The following SI variants were observed in gnomAD, a reference collection of about 807,000 sequenced individuals.
The protein encoded by SI is sucrase-isomaltase, also known as sucrase-isomaltase, intestinal.
In SI, 235 loss-of-function variants were observed where a neutral mutation model predicts 253.3. The ratio of observed to expected loss-of-function variants is 0.93; its 90% CI spans 0.83 to 1.03. SI has a LOEUF of 1.03. Ranked by LOEUF, SI falls within the 50% of genes least tolerant of loss-of-function variation. The probability of loss-of-function intolerance (pLI) is 0.00; values close to 1 mark genes in which losing one functional copy is unlikely to be tolerated. For synonymous variants in SI, 819 were observed against 712.0 expected, an observed-to-expected ratio of 1.15 and a Z score of -2.39; for missense variants, 2,442 against 2,211.1, an observed-to-expected ratio of 1.10 and a Z score of -2.09.
At chr3:165,018,713 T>C (rs1259419761) in intron 28 of SI, among the ~76,000 whole-genome samples, 1 of 151,402 alleles carries the variant, frequency 6.6e-6, no homozygotes, top group Non-Finnish European at 1.5e-5. Context: ...AAATTACTAG[T>C]GGAAGTAATT....
At chr3:164,986,340 A>T (rs1037973731) in intron 45 of SI, among the ~76,000 whole-genome samples, 24 of 152,172 alleles carry the variant, frequency 1.6e-4, no homozygotes, top group African/African-American at 5.8e-4. Flanking sequence ...AAAGCCTAGA[A>T]ATGTTACTCT....
chr3:164,980,964 G>C (rs1210152568), intron 47 of SI, among the ~76,000 whole-genome samples: 2 of 151,862 alleles, frequency 1.3e-5, no homozygotes, highest in African/African-American at 2.4e-5. Flanking sequence ...TTCTAATTGT[G>C]ATTGATAACT....
At chr3:164,989,088 T>TA (rs1553768815) in intron 44 of SI, among the ~76,000 whole-genome samples, 61 of 148,488 alleles carry the variant, frequency 4.1e-4, no homozygotes, top group African/African-American at 1.4e-3. Flanking sequence ...AGTATAATAA[T>TA]AATAAATAAA....
At chr3:165,073,000 G>C (rs1175667898) in intron 3 of SI, among the ~76,000 whole-genome samples, 1 of 152,034 alleles carries the variant, frequency 6.6e-6, no homozygotes, top group African/African-American at 2.4e-5. Context: ...CACAAATATA[G>C]TTTATTTCAC....
At chr3:165,005,483 C>T (rs1718460749) in intron 37 of SI, among the ~76,000 whole-genome samples, 2 of 151,974 alleles carry the variant, frequency 1.3e-5, no homozygotes, top group Admixed American at 6.6e-5. Flanking sequence ...ACTATGTGCA[C>T]ATGACACTTA....
Position 165,023,672 on chromosome 3 carries a change from G to C in SI, c.2997C>G (p.Leu999=). The C allele has an allele frequency of 6.2e-7, 1 of 1,610,882 alleles. No homozygotes were observed. Residue 999 remains leucine, a synonymous_variant, in exon 26 of 48, where the codon CTC becomes CTG. Coordinates refer to ENST00000264382, the MANE Select transcript of SI (RefSeq NM_001041.4). ...TTCTGGCATTTGCAGTATTTAGTTG[G>C]AGGTCAGCTGTTATACCCATGGATG... is the stretch of plus-strand genomic sequence containing the variant. ...RYSSMGITAD[L]QLNTANARIK... is the part of the protein sequence containing the mutation.
intron 15 of SI, among the ~76,000 whole-genome samples, chr3:165,048,593 A>AGAGC (rs1312554902): frequency 6.8e-6 from 1 of 147,720 alleles, no homozygotes; most frequent in Non-Finnish European, 1.5e-5. Context: ...ATAGAGAGAG[A>AGAGC]GAGAGAGAGA....
intron 33 of SI, among the ~76,000 whole-genome samples, chr3:165,014,189 G>A (rs1349837789): frequency 6.6e-6 from 1 of 152,132 alleles, no homozygotes; most frequent in African/African-American, 2.4e-5. Flanking sequence ...TTTGGCCCAA[G>A]ATTCAAAAAG....
chr3:165,080,956 G>T (rs1445065072), upstream of SI, among the ~76,000 whole-genome samples: 1 of 151,750 alleles, frequency 6.6e-6, no homozygotes, highest in African/African-American at 2.4e-5. Flanking sequence ...GTGTGATTTT[G>T]AATTTGTGTA....
chr3:165,012,871 T>C, intron 34 of SI, 109 bp downstream of exon 34: 2 of 789,316 alleles, frequency 2.5e-6, no homozygotes, highest in Non-Finnish European at 4.6e-6. Flanking sequence ...TAATTTAAAA[T>C]GGCCATCTAT....
chr3:165,081,504 T>C (rs1348651877), upstream of SI, among the ~76,000 whole-genome samples: 4 of 152,038 alleles, frequency 2.6e-5, no homozygotes, highest in Non-Finnish European at 5.9e-5. Flanking sequence ...AGTTAAATCA[T>C]GGACCTCAAA....
intron 26 of SI, among the ~76,000 whole-genome samples, chr3:165,022,111 A>T (rs564545729): frequency 8.6e-5 from 13 of 151,530 alleles, no homozygotes; most frequent in Admixed American, 4.0e-4. Flanking sequence ...CTTCTGTTAA[A>T]TATCTTCTTA....
chr3:165,051,645 A>G (rs1713436786), intron 13 of SI, among the ~76,000 whole-genome samples: 1 of 152,080 alleles, frequency 6.6e-6, no homozygotes, highest in South Asian at 2.1e-4. Flanking sequence ...AAATTTTAAA[A>G]GAGTCTTTTT....
intron 37 of SI, among the ~76,000 whole-genome samples, chr3:165,003,470 T>C (rs1363610954): frequency 6.6e-6 from 1 of 152,110 alleles, no homozygotes; most frequent in Non-Finnish European, 1.5e-5. Flanking sequence ...TATTCACTCT[T>C]AAAATAACTT....
Position 164,998,653 on chromosome 3 carries a change from C to T in SI, c.4427G>A (p.Gly1476Glu). 1.2e-6 allele frequency: 2 copies of T among 1,611,416 alleles called. No individual in the cohort carries two copies. The highest frequency in any genetic ancestry group is 1.1e-5 in the South Asian group (1 of 91,050). Residue 1476 changes from glycine (G) to glutamate (E), a missense_variant, in exon 38 of 48, where the codon GGA becomes GAA. By Grantham distance (98) the Gly-to-Glu change is moderately conservative. Transcript: ENST00000264382. The stretch of plus-strand genomic sequence containing the variant: ...ACGAGAAATTACAATCCCTCTTTTT[C>T]CAGTTGTCTTCTGCAATGCACTAAT... ...PTHDALQKTT[G>E]KRGIVISRST...
intron 37 of SI, among the ~76,000 whole-genome samples, chr3:164,999,805 A>T (rs1437076855): frequency 6.6e-6 from 1 of 151,708 alleles, no homozygotes; most frequent in Non-Finnish European, 1.5e-5. Context: ...GCAACTAAAA[A>T]TGTGTTAAAC....
rs754538482 is a variant in SI, at chr3:164,987,137, C to A, written c.5197+1G>T. On this transcript the variant is annotated splice_donor_variant, in intron 45 of 47. Transcript: ENST00000264382. LOFTEE classifies it high-confidence loss of function. ...ATTTATCTACTAAATCGAGCACTCA[C>A]CTATACTCTCTCCATCATCCCAAAA... 2 of 1,608,940 alleles carry A rather than the reference C, an allele frequency of 1.2e-6. No individual in the cohort carries two copies. The highest frequency in any genetic ancestry group is 2.2e-5 in the South Asian group (2 of 90,982).
intron 24 of SI, among the ~76,000 whole-genome samples, chr3:165,031,347 T>TTA (rs891781083): frequency 1.0e-4 from 15 of 147,416 alleles, no homozygotes; most frequent in Non-Finnish European, 1.5e-4. Context: ...ATTATGAAGA[T>TTA]TATATATATA....
chr3:165,030,834 C>G lies in SI; in HGVS notation c.2770G>C (p.Gly924Arg), dbSNP rs1576896807. 1 of 1,460,276 alleles carries G rather than the reference C, an allele frequency of 6.8e-7. No homozygotes were observed. The highest frequency in any genetic ancestry group is 2.0e-5 in the Admixed American group (1 of 48,984). The allele number at this position is 1,460,276 out of a possible 1,614,324, so 90.5% of individuals were successfully genotyped here. ...LLIADLKLNLGRNFSVQWNQI... is the reference protein window; with the variant it reads ...LLIADLKLNLRRNFSVQWNQI... ...TTCCATTGAACACTAAAGTTTCTTC[C>G]AAGATTAAGTTTGAGATCTGCAATT... is the stretch of plus-strand genomic sequence containing the variant. The change falls in exon 25 of 48, where the codon GGA (glycine) becomes CGA (arginine). Residue 924 changes from glycine to arginine, a missense_variant. Physicochemically the swap from Gly to Arg is moderately radical, Grantham distance 125 (BLOSUM62 -2). Transcript: ENST00000264382.
Sources: allele counts gnomAD v4.1 joint callset (sites outside exome capture counted in the v4.1 genomes callset), GRCh38; gene constraint gnomAD v4.1.1; transcripts MANE v1.5; gene names NCBI Gene and HGNC (gene_info 2026-07-23, HGNC 2026-07-21).